AIG1: variants seen among roughly 807,000 people sequenced by gnomAD.
The protein encoded by AIG1 is androgen induced 1, also known as androgen-induced gene 1 protein.
AIG1 carries 23 observed loss-of-function variants against 31.4 expected under a neutral mutation model. The ratio of observed to expected loss-of-function variants is 0.73; its 90% CI spans 0.53 to 1.04. AIG1 has a LOEUF of 1.04. AIG1 is among the 50% of genes least tolerant of loss of function. AIG1 has a pLI of 0.00. For synonymous variants in AIG1, 100 were observed against 110.5 expected (o/e 0.90, Z 0.60); for missense variants, 274 against 295.0 (o/e 0.93, Z 0.52).
At chr6:143,136,405 C>T (rs966561590) in intron 1 of AIG1, among the ~76,000 whole-genome samples, 2 of 152,156 alleles carry the variant, frequency 1.3e-5, no homozygotes, top group Non-Finnish European at 2.9e-5. Context: ...AGTCCTCACC[C>T]TTTTGTTTTC....
At chr6:143,257,430 A>G (rs901816129) in intron 3 of AIG1, among the ~76,000 whole-genome samples, 14 of 152,268 alleles carry the variant, frequency 9.2e-5, no homozygotes, top group African/African-American at 3.4e-4. Flanking sequence ...AACTTCTGAA[A>G]TTAGTACAAA....
intron 1 of AIG1, among the ~76,000 whole-genome samples, chr6:143,116,895 A>T (rs576220049): frequency 3.2e-4 from 48 of 152,018 alleles, no homozygotes; most frequent in Non-Finnish European, 5.4e-4. Flanking sequence ...CCTTCATGCA[A>T]TCCCAAATCG....
At position 143,327,989 on chromosome 6, in the gene AIG1, T is replaced by C. The variant is rs151031044; in HGVS notation, c.516-5293T>C. On this transcript the variant is annotated intron_variant, in intron 4 of 5. Transcript: ENST00000357847. This position sits in a 1 kb window ranked among gnomAD's most constrained non-coding sequence, Gnocchi z 5.3. ...AGTTTGTAAAATACCTGTGTATAAG[T>C]AGTGAACATGATGCCATAGCCATGA... 1.3e-3 allele frequency among the ~76,000 whole-genome samples: 205 copies of C among 152,250 alleles called. No homozygotes were observed. The highest frequency in any genetic ancestry group is 4.7e-3 in the African/African-American group (194 of 41,562).
chr6:143,295,613 C>T (rs986421806), intron 4 of AIG1, among the ~76,000 whole-genome samples: 3 of 152,044 alleles, frequency 2.0e-5, no homozygotes, highest in South Asian at 2.1e-4. Flanking sequence ...AGTCATGTCT[C>T]GCACCAGTGT....
intron 1 of AIG1, among the ~76,000 whole-genome samples, chr6:143,128,204 G>A (rs1782867761): frequency 6.6e-6 from 1 of 152,096 alleles, no homozygotes; most frequent in South Asian, 2.1e-4. Flanking sequence ...TTTCAAAAAA[G>A]ATAAAGACAT....
rs1795500470 is a variant in AIG1, at chr6:143,258,242, A to G, written c.400-25868A>G. On this transcript the variant is annotated intron_variant, in intron 3 of 5. Coordinates refer to ENST00000357847, the MANE Select transcript of AIG1 (RefSeq NM_016108.4). The surrounding 1 kb of genome is among the most constrained non-coding windows in gnomAD (Gnocchi z 4.7). The stretch of plus-strand genomic sequence containing the variant: ...AGACAAAAGCCTTCCACCCTGTCTC[A>G]TCTGTCACTAAATGGGAGACTATTG... 6.6e-6 allele frequency among the ~76,000 whole-genome samples: 1 copy of G among 152,232 alleles called. No homozygotes were observed. Among genetic ancestry groups the G allele is most frequent in the Admixed American group, 6.5e-5 (1 of 15,288 alleles).
At chr6:143,264,968 AG>A (rs1434651467) in intron 3 of AIG1, among the ~76,000 whole-genome samples, 1 of 152,246 alleles carries the variant, frequency 6.6e-6, no homozygotes, top group East Asian at 1.9e-4. Flanking sequence ...TAGGAGACCA[AG>A]TCCACCCTTT....
intron 4 of AIG1, among the ~76,000 whole-genome samples, chr6:143,314,291 A>C (rs924362135): frequency 6.6e-6 from 1 of 151,060 alleles, no homozygotes; most frequent in African/African-American, 2.4e-5. Flanking sequence ...ACTTGAGCCC[A>C]GGAGTTGAGC....
At position 143,291,372 on chromosome 6, in the gene AIG1, G is replaced by T. The variant is rs1462647848; in HGVS notation, c.515+7147G>T. 6.6e-6 allele frequency among the ~76,000 whole-genome samples: 1 copy of T among 152,130 alleles called. No homozygotes were observed. The highest frequency in any genetic ancestry group is 2.4e-5 in the African/African-American group (1 of 41,414). On this transcript the variant is annotated intron_variant, in intron 4 of 5. Coordinates refer to ENST00000357847, the MANE Select transcript of AIG1 (RefSeq NM_016108.4). The surrounding 1 kb of genome is among the most constrained non-coding windows in gnomAD (Gnocchi z 4.2). The stretch of plus-strand genomic sequence containing the variant: ...GTGTGCTGCCCTGGACAGGAGCCAG[G>T]GGGTGTTAAAGAGGTCTAGCTGGAG...
chr6:143,168,151 A>C (rs528716751), intron 3 of AIG1, among the ~76,000 whole-genome samples: 1 of 152,300 alleles, frequency 6.6e-6, no homozygotes, highest in East Asian at 1.9e-4. Flanking sequence ...AAGTTTTAAT[A>C]ACTATTAATT....
chr6:143,248,184 A>C (rs1583619254), intron 3 of AIG1, among the ~76,000 whole-genome samples: 1 of 152,204 alleles, frequency 6.6e-6, no homozygotes, highest in East Asian at 1.9e-4. Flanking sequence ...GCAGGGAAAA[A>C]AACAGAAAAC....
intron 3 of AIG1, among the ~76,000 whole-genome samples, chr6:143,228,956 T>C (rs552508011): frequency 6.6e-6 from 1 of 152,330 alleles, no homozygotes; most frequent in African/African-American, 2.4e-5. Context: ...GATGCCTGGC[T>C]AAGATCTTTT....
chr6:143,156,972 C>T (rs1785832990), intron 2 of AIG1, among the ~76,000 whole-genome samples: 1 of 152,174 alleles, frequency 6.6e-6, no homozygotes, highest in Admixed American at 6.5e-5. Flanking sequence ...AATGGATGCC[C>T]TGACTCTGAA....
Position 143,070,852 on chromosome 6 carries a change from G to T in AIG1, c.141+9786G>T, listed in dbSNP as rs145112059. On this transcript the variant is annotated intron_variant, in intron 1 of 5. Coordinates refer to ENST00000357847, the MANE Select transcript of AIG1 (RefSeq NM_016108.4). ...ATTTTAGAGACAAAAACATTCAACG[G>T]CAGTGACCCTTTTATATTTAATTGA... 3.6e-4 allele frequency among the ~76,000 whole-genome samples: 55 copies of T among 152,244 alleles called. 1 individual carries two copies. Among genetic ancestry groups the T allele is most frequent in the East Asian group, 3.5e-3 (18 of 5,188 alleles).
chr6:143,066,917 C>T (rs1776764859), intron 1 of AIG1, among the ~76,000 whole-genome samples: 1 of 152,156 alleles, frequency 6.6e-6, no homozygotes, highest in Admixed American at 6.5e-5. Flanking sequence ...CACCTGTAAT[C>T]CCAGCACTGT....
intron 1 of AIG1, among the ~76,000 whole-genome samples, chr6:143,135,490 G>A (rs868380233): frequency 2.0e-4 from 30 of 152,066 alleles, no homozygotes; most frequent in Non-Finnish European, 3.4e-4. Context: ...GTTCTCAATT[G>A]TGGCAGTCTT....
Position 143,292,551 on chromosome 6 carries a change from A to G in AIG1, c.515+8326A>G, listed in dbSNP as rs1357098260. On this transcript the variant is annotated intron_variant, in intron 4 of 5. Transcript: ENST00000357847. This position sits in a 1 kb window ranked among gnomAD's most constrained non-coding sequence, Gnocchi z 4.9. The stretch of plus-strand genomic sequence containing the variant: ...TCTCCCCTAGGGCTTCCAGAAAGGA[A>G]CTCAGCCCTGCTGACACCTTAATTT... Among the ~76,000 whole-genome samples the G allele has an allele frequency of 6.6e-6, 1 of 151,128 alleles. No homozygotes were observed. Among genetic ancestry groups the G allele is most frequent in the African/African-American group, 2.5e-5 (1 of 40,480 alleles).
At chr6:143,098,064 G>A (rs1022608798) in intron 1 of AIG1, among the ~76,000 whole-genome samples, 3 of 152,162 alleles carry the variant, frequency 2.0e-5, no homozygotes, top group Non-Finnish European at 2.9e-5. Flanking sequence ...CATCTTACAC[G>A]AAACAAGACA....
intron 1 of AIG1, among the ~76,000 whole-genome samples, chr6:143,091,347 G>T (rs1219822826): frequency 6.6e-6 from 1 of 152,108 alleles, no homozygotes; most frequent in Non-Finnish European, 1.5e-5. Flanking sequence ...TGAATCCTCT[G>T]GTGTTTAGCT....
Sources: allele counts gnomAD v4.1 joint callset (sites outside exome capture counted in the v4.1 genomes callset), GRCh38; gene constraint gnomAD v4.1.1; non-coding constraint Gnocchi (gnomAD v3.1); transcripts MANE v1.5; gene names NCBI Gene and HGNC (gene_info 2026-07-23, HGNC 2026-07-21).